The following CDH12 variants were observed in gnomAD, a reference collection of about 807,000 sequenced individuals.
CDH12 encodes cadherin-12.
Under a neutral mutation model 74.1 loss-of-function variants are expected in CDH12, and 41 were observed. The ratio of observed to expected loss-of-function variants is 0.55; its 90% CI spans 0.43 to 0.72. The LOEUF is 0.72. Ranked by LOEUF, CDH12 falls within the 30% of genes least tolerant of loss-of-function variation. The pLI is 0.00. For synonymous variants in CDH12, 399 were observed against 355.0 expected (o/e 1.12, Z -1.39); for missense variants, 945 against 977.2 (o/e 0.97, Z 0.44).
chr5:22,316,160 T>C (rs1229030937), intron 3 of CDH12, among the ~76,000 whole-genome samples: 1 of 151,520 alleles, frequency 6.6e-6, no homozygotes, highest in Non-Finnish European at 1.5e-5. Flanking sequence ...GAATTAAGGA[T>C]GCCAAAACTA....
chr5:22,201,999 CTT>C (rs1750947744), intron 4 of CDH12, among the ~76,000 whole-genome samples: 1 of 152,118 alleles, frequency 6.6e-6, no homozygotes, highest in African/African-American at 2.4e-5. Context: ...GGATTCCTAA[CTT>C]GACACATTGG....
At chr5:22,674,253 T>C (rs1324540844) in intron 1 of CDH12, among the ~76,000 whole-genome samples, 2 of 152,172 alleles carry the variant, frequency 1.3e-5, no homozygotes, top group Non-Finnish European at 2.9e-5. Context: ...AATTGAATCA[T>C]AGGGGCAGGT....
intron 4 of CDH12, among the ~76,000 whole-genome samples, chr5:22,120,376 C>T (rs1745434788): frequency 6.6e-6 from 1 of 152,050 alleles, no homozygotes; most frequent in Admixed American, 6.6e-5. Context: ...AAAGGACAAA[C>T]ATTATGTATC....
chr5:22,428,098 A>G (rs1744015700), intron 2 of CDH12, among the ~76,000 whole-genome samples: 1 of 152,226 alleles, frequency 6.6e-6, no homozygotes, highest in East Asian at 1.9e-4. Context: ...AGCTCCATGT[A>G]TAACAGCTTT....
intron 1 of CDH12, among the ~76,000 whole-genome samples, chr5:22,584,395 T>C (rs1282899901): frequency 1.3e-5 from 2 of 152,182 alleles, no homozygotes; most frequent in Non-Finnish European, 2.9e-5. Context: ...CCACTGCTCC[T>C]GGAAGGAATT....
At chr5:21,856,656 T>C (rs1750770556) in intron 6 of CDH12, among the ~76,000 whole-genome samples, 1 of 151,740 alleles carries the variant, frequency 6.6e-6, no homozygotes, top group African/African-American at 2.4e-5. Flanking sequence ...GCTGAACAAA[T>C]ATGTTCTTCT....
chr5:22,197,947 G>A (rs1750715163), intron 4 of CDH12, among the ~76,000 whole-genome samples: 1 of 151,772 alleles, frequency 6.6e-6, no homozygotes, highest in Non-Finnish European at 1.5e-5. Flanking sequence ...GCTTTACATG[G>A]TGCTCTTCAC....
intron 1 of CDH12, among the ~76,000 whole-genome samples, chr5:22,681,511 C>G (rs962418959): frequency 7.2e-5 from 11 of 152,060 alleles, no homozygotes; most frequent in Admixed American, 7.2e-4. Context: ...CGGGATCTGT[C>G]ACATCGCTTC....
At chr5:22,359,910 C>A (rs1033312109) in intron 3 of CDH12, among the ~76,000 whole-genome samples, 2 of 152,180 alleles carry the variant, frequency 1.3e-5, no homozygotes, top group African/African-American at 4.8e-5. Context: ...ATACCAGAAT[C>A]TATGGGATAC....
chr5:22,156,596 G>T (rs184444037), intron 4 of CDH12, among the ~76,000 whole-genome samples: 1 of 152,020 alleles, frequency 6.6e-6, no homozygotes, highest in Admixed American at 6.6e-5. Context: ...AAGAAGGAAG[G>T]TGACTGAAAA....
intron 1 of CDH12, among the ~76,000 whole-genome samples, chr5:22,809,428 T>C (rs1749015029): frequency 6.6e-6 from 1 of 151,594 alleles, no homozygotes; most frequent in Non-Finnish European, 1.5e-5. Context: ...ATTCTAGAAA[T>C]AAATATAAAT....
intron 3 of CDH12, among the ~76,000 whole-genome samples, chr5:22,219,424 T>C (rs1359134388): frequency 6.6e-6 from 1 of 151,750 alleles, no homozygotes; most frequent in Non-Finnish European, 1.5e-5. Context: ...ATACTGACTG[T>C]AATACCCAGT....
At chr5:22,822,398 A>C (rs1000454658) in intron 1 of CDH12, among the ~76,000 whole-genome samples, 6 of 152,174 alleles carry the variant, frequency 3.9e-5, no homozygotes, top group African/African-American at 1.4e-4. Context: ...TAATTAAACT[A>C]AAGAGCTTCT....
chr5:22,765,366 A>G (rs1746448287), intron 1 of CDH12, among the ~76,000 whole-genome samples: 1 of 151,960 alleles, frequency 6.6e-6, no homozygotes, highest in Non-Finnish European at 1.5e-5. Flanking sequence ...TGATATGTCT[A>G]GTCTACTGTA....
At chr5:22,604,084 A>C (rs1736980905) in intron 1 of CDH12, among the ~76,000 whole-genome samples, 1 of 152,214 alleles carries the variant, frequency 6.6e-6, no homozygotes, top group Non-Finnish European at 1.5e-5. Flanking sequence ...GATGGAAGGA[A>C]GAATATGTCA....
At chr5:21,897,325 C>T (rs558392325) in intron 6 of CDH12, among the ~76,000 whole-genome samples, 15 of 152,140 alleles carry the variant, frequency 9.9e-5, no homozygotes, top group Admixed American at 4.6e-4. Context: ...TGGTTTCCTC[C>T]GAGCGGATGA....
intron 3 of CDH12, among the ~76,000 whole-genome samples, chr5:22,342,562 T>TCCTC (rs555627962): frequency 0.068 from 7,120 of 104,162 alleles, 294 homozygotes; most frequent in African/African-American, 0.14. Context: ...CTCCCTTCCT[T>TCCTC]CCTCCCTCCC....
At chr5:22,159,368 T>C (rs1219885100) in intron 4 of CDH12, among the ~76,000 whole-genome samples, 2 of 152,196 alleles carry the variant, frequency 1.3e-5, no homozygotes, top group African/African-American at 2.4e-5. Flanking sequence ...AATGAGGATA[T>C]GCCTACACAT....
At chr5:22,584,850 C>G (rs569017572) in intron 1 of CDH12, among the ~76,000 whole-genome samples, 1 of 152,224 alleles carries the variant, frequency 6.6e-6, no homozygotes, top group African/African-American at 2.4e-5. Flanking sequence ...TTTTACCCTT[C>G]TGACAGGCAT....
Sources: allele counts gnomAD v4.1 joint callset (sites outside exome capture counted in the v4.1 genomes callset), GRCh38; gene constraint gnomAD v4.1.1; transcripts MANE v1.5; gene names NCBI Gene and HGNC (gene_info 2026-07-23, HGNC 2026-07-21).